The following SNTG2 variants were observed in gnomAD, a reference collection of about 807,000 sequenced individuals.
The protein encoded by SNTG2 is syntrophin gamma 2.
A neutral mutation model predicts 70.9 loss-of-function variants in SNTG2; 74 were observed. That is an observed-to-expected ratio of 1.04 (90% confidence interval 0.86 to 1.27). The LOEUF (loss-of-function observed/expected upper bound fraction) is 1.27, where lower values mean the gene tolerates loss of function less well. Among genes scored for constraint, SNTG2 ranks in the 50% most tolerant of loss-of-function variants. The pLI, the probability that SNTG2 is intolerant of heterozygous loss-of-function variation, is 0.00. For synonymous variants in SNTG2, 278 were observed against 273.8 expected, an observed-to-expected ratio of 1.02 and a Z score of -0.15; for missense variants, 717 against 690.7, an observed-to-expected ratio of 1.04 and a Z score of -0.43.
Position 1,100,541 on chromosome 2 carries a change from G to A in SNTG2, c.325+2131G>A, listed in dbSNP as rs115638351. ...GTATTACATCAAGTGTTATAATGGC[G>A]GTGTTGACGAGCTTGGCAGGGCCCA... On this transcript the variant is annotated intron_variant, in intron 4 of 16. Coordinates refer to ENST00000308624, the MANE Select transcript of SNTG2 (RefSeq NM_018968.4). Among the ~76,000 whole-genome samples the A allele has an allele frequency of 6.5e-3, 984 of 152,268 alleles. 6 individuals carry two copies. The highest frequency in any genetic ancestry group is 0.022 in the African/African-American group (925 of 41,548).
chr2:1,101,819 C>T (rs1665798753), intron 4 of SNTG2, among the ~76,000 whole-genome samples: 1 of 152,152 alleles, frequency 6.6e-6, no homozygotes, highest in South Asian at 2.1e-4. Flanking sequence ...TGCAGTTATC[C>T]CCAGGTGATG....
intron 6 of SNTG2, among the ~76,000 whole-genome samples, chr2:1,146,134 T>G (rs1412795423): frequency 6.6e-6 from 1 of 152,164 alleles, no homozygotes; most frequent in African/African-American, 2.4e-5. Flanking sequence ...CCCACCAAGA[T>G]CAGGAACAAT....
intron 16 of SNTG2, among the ~76,000 whole-genome samples, chr2:1,335,206 T>G (rs530989032): frequency 2.2e-4 from 34 of 152,308 alleles, no homozygotes; most frequent in South Asian, 1.0e-3. Flanking sequence ...CTGCTGGCTT[T>G]CCATGTGACA....
chr2:1,031,528 A>ATATATATATATATATATATATATATATT, intron 1 of SNTG2, among the ~76,000 whole-genome samples: 4 of 59,122 alleles, frequency 6.8e-5, no homozygotes, highest in African/African-American at 2.5e-4. Context: ...ATATATATAT[A>ATATATATATATATATATATATATATATT]TTTTTTTTTT....
chr2:1,319,117 C>T (rs1299903635), intron 16 of SNTG2, among the ~76,000 whole-genome samples: 1 of 152,186 alleles, frequency 6.6e-6, no homozygotes, highest in Admixed American at 6.5e-5. Context: ...TCACGTGGGA[C>T]ACAGGCTTTG....
chr2:1,257,223 C>A (rs1026590632), intron 12 of SNTG2, among the ~76,000 whole-genome samples: 6 of 152,062 alleles, frequency 3.9e-5, no homozygotes, highest in Admixed American at 3.9e-4. Flanking sequence ...TGGTTCCATC[C>A]GAAGCCCGAC....
At chr2:1,235,590 C>T (rs1676590601) in intron 9 of SNTG2, among the ~76,000 whole-genome samples, 1 of 137,716 alleles carries the variant, frequency 7.3e-6, no homozygotes, top group Non-Finnish European at 1.6e-5. Context: ...GGGACCCCTG[C>T]CCCACGCTGC....
chr2:1,357,341 C>T (rs9749689), intron 16 of SNTG2, among the ~76,000 whole-genome samples: 109,235 of 151,530 alleles, frequency 0.72, 39,645 homozygotes, highest in East Asian at 0.94. Context: ...CTTTTTATTA[C>T]TTTTATAATG....
chr2:966,815 C>T (rs1173837105), intron 1 of SNTG2, among the ~76,000 whole-genome samples: 4 of 151,898 alleles, frequency 2.6e-5, no homozygotes, highest in East Asian at 1.9e-4. Context: ...GGCATGGTGG[C>T]GGGCGCCTGT....
chr2:1,119,648 C>A (rs1377327637), intron 4 of SNTG2, among the ~76,000 whole-genome samples: 3 of 145,618 alleles, frequency 2.1e-5, no homozygotes, highest in Non-Finnish European at 4.5e-5. Flanking sequence ...ATCCACAAAA[C>A]AACAACAGCA....
At chr2:1,281,202 G>C (rs1472773765) in intron 14 of SNTG2, among the ~76,000 whole-genome samples, 1 of 150,464 alleles carries the variant, frequency 6.6e-6, no homozygotes, top group African/African-American at 2.4e-5. Context: ...TGTGTATGTG[G>C]TGTGTGGTGT....
intron 14 of SNTG2, among the ~76,000 whole-genome samples, chr2:1,271,500 A>G (rs1679018028): frequency 6.6e-6 from 1 of 152,176 alleles, no homozygotes; most frequent in Non-Finnish European, 1.5e-5. Context: ...CAAAGTATAA[A>G]ATATCTATCA....
intron 4 of SNTG2, among the ~76,000 whole-genome samples, chr2:1,131,683 ACT>A (rs1668024051): frequency 6.8e-6 from 1 of 146,920 alleles, no homozygotes; most frequent in Non-Finnish European, 1.5e-5. Flanking sequence ...ACAGAGTCTC[ACT>A]CTGTTGCCCA....
At chr2:1,300,422 T>C (rs1358161227) in intron 14 of SNTG2, among the ~76,000 whole-genome samples, 1 of 152,168 alleles carries the variant, frequency 6.6e-6, no homozygotes, top group Non-Finnish European at 1.5e-5. Context: ...GACCCCAGGA[T>C]AAAAACAGGA....
intron 11 of SNTG2, among the ~76,000 whole-genome samples, chr2:1,241,029 G>A (rs562718291): frequency 6.6e-6 from 1 of 152,186 alleles, no homozygotes; most frequent in South Asian, 2.1e-4. Flanking sequence ...CTTTATCAAG[G>A]CTGGTGGGAC....
chr2:1,148,446 G>A (rs1261693345), intron 6 of SNTG2, among the ~76,000 whole-genome samples: 1 of 152,204 alleles, frequency 6.6e-6, no homozygotes, highest in Non-Finnish European at 1.5e-5. Flanking sequence ...GGAGGCTGCG[G>A]GGCTGCTGTG....
chr2:956,233 ACCCCTGCCCCGCCCCGCCCCTGCGCCTC>A (rs1305737022), intron 1 of SNTG2, among the ~76,000 whole-genome samples: 1 of 12,886 alleles, frequency 7.8e-5, no homozygotes, highest in Admixed American at 1.1e-3. Context: ...CCCCTGCCCC[ACCCCTGCCCCGCCCCGCCCCTGCGCCTC>A]CCCCTGCCCT....
At chr2:1,099,816 C>T (rs12477098) in intron 4 of SNTG2, among the ~76,000 whole-genome samples, 55,377 of 152,112 alleles carry the variant, frequency 0.36, 10,399 homozygotes, top group East Asian at 0.52. Flanking sequence ...GAGGTTTCCA[C>T]AGAATGCGTT....
intron 9 of SNTG2, among the ~76,000 whole-genome samples, chr2:1,230,764 G>A (rs775555526): frequency 3.3e-5 from 5 of 152,338 alleles, no homozygotes; most frequent in Admixed American, 6.5e-5. Context: ...TCTTCAGCCC[G>A]GCCAGTGGCA....
Sources: allele counts gnomAD v4.1 joint callset (sites outside exome capture counted in the v4.1 genomes callset), GRCh38; gene constraint gnomAD v4.1.1; transcripts MANE v1.5; gene names NCBI Gene and HGNC (gene_info 2026-07-23, HGNC 2026-07-21).